FOXN3: variants seen among roughly 807,000 people sequenced by gnomAD.
The protein encoded by FOXN3 is forkhead box protein N3.
Under a neutral mutation model 38.4 loss-of-function variants are expected in FOXN3, and 7 were observed. The observed-to-expected ratio is 0.18, with a 90% CI of 0.10 to 0.34. The LOEUF is 0.34. Ranked by LOEUF, FOXN3 falls within the 10% of genes least tolerant of loss-of-function variation. FOXN3 has a pLI of 1.00. For missense variants in FOXN3, 456 were observed against 613.4 expected (o/e 0.74, Z 2.71); for synonymous variants, 230 against 242.2 (o/e 0.95, Z 0.47).
chr14:89,541,686 A>C (rs1413875239), intron 1 of FOXN3, among the ~76,000 whole-genome samples: 1 of 151,886 alleles, frequency 6.6e-6, no homozygotes, highest in Admixed American at 6.5e-5. Flanking sequence ...GCTTTACTCT[A>C]TGGACTTGCT....
intron 1 of FOXN3, among the ~76,000 whole-genome samples, chr14:89,535,004 GA>G (rs983200827): frequency 3.9e-5 from 6 of 152,192 alleles, no homozygotes; most frequent in African/African-American, 1.4e-4. Flanking sequence ...ATTTAATGAA[GA>G]ATTTTTTTTC....
At chr14:89,500,573 T>A (rs1200824639) in intron 1 of FOXN3, among the ~76,000 whole-genome samples, 2 of 152,134 alleles carry the variant, frequency 1.3e-5, no homozygotes, top group African/African-American at 4.8e-5. Flanking sequence ...ACCTGTGAGA[T>A]CAGGACCATG....
intron 1 of FOXN3, among the ~76,000 whole-genome samples, chr14:89,589,129 G>A (rs911423345): frequency 3.2e-4 from 49 of 152,208 alleles, no homozygotes; most frequent in African/African-American, 1.1e-3. Context: ...TATTTGAACT[G>A]CAGTCATTTT....
intron 1 of FOXN3, among the ~76,000 whole-genome samples, chr14:89,564,972 T>TA (rs1219192673): frequency 6.6e-6 from 1 of 151,302 alleles, no homozygotes; most frequent in African/African-American, 2.4e-5. Flanking sequence ...TGCACTCCTG[T>TA]AATCCCAGCT....
chr14:89,471,402 G>A (rs1453867236), intron 1 of FOXN3, among the ~76,000 whole-genome samples: 1 of 152,068 alleles, frequency 6.6e-6, no homozygotes, highest in East Asian at 1.9e-4. Context: ...AGGAGCTCAA[G>A]ACTAGCCTGG....
At chr14:89,517,410 A>C (rs534929379) in intron 1 of FOXN3, among the ~76,000 whole-genome samples, 14 of 151,854 alleles carry the variant, frequency 9.2e-5, no homozygotes, top group Admixed American at 6.6e-4. Context: ...CACAGGCTGT[A>C]CAGGAAGCAC....
At chr14:89,265,386 G>T (rs1885941101) in intron 4 of FOXN3, among the ~76,000 whole-genome samples, 1 of 152,148 alleles carries the variant, frequency 6.6e-6, no homozygotes, top group African/African-American at 2.4e-5. Flanking sequence ...AGCCCCTGGG[G>T]CTACAAACAG....
intron 1 of FOXN3, among the ~76,000 whole-genome samples, chr14:89,486,069 A>G (rs1396646041): frequency 6.6e-6 from 1 of 152,316 alleles, no homozygotes; most frequent in East Asian, 1.9e-4. Context: ...CTTATGAGTG[A>G]GTCAACTTTG....
intron 3 of FOXN3, among the ~76,000 whole-genome samples, chr14:89,320,554 T>C (rs935190101): frequency 6.6e-6 from 1 of 152,228 alleles, no homozygotes; most frequent in African/African-American, 2.4e-5. Context: ...CTCGGTGAGA[T>C]AGCTAATCCC....
chr14:89,372,604 A>G (rs909463932), intron 2 of FOXN3, among the ~76,000 whole-genome samples: 2 of 152,154 alleles, frequency 1.3e-5, no homozygotes, highest in Admixed American at 6.6e-5. Flanking sequence ...TTAAGACTTA[A>G]CAGTCAACCT....
intron 1 of FOXN3, among the ~76,000 whole-genome samples, chr14:89,507,016 A>C (rs913517724): frequency 3.9e-5 from 6 of 152,096 alleles, no homozygotes; most frequent in Non-Finnish European, 8.8e-5. Flanking sequence ...TCTGCCTAGG[A>C]AAACCAGAGA....
intron 1 of FOXN3, among the ~76,000 whole-genome samples, chr14:89,533,394 T>C (rs991118421): frequency 1.3e-5 from 2 of 152,198 alleles, no homozygotes; most frequent in East Asian, 3.9e-4. Flanking sequence ...CTGGGCGCGG[T>C]GGCTCACGCC....
At chr14:89,567,348 G>A (rs952248032) in intron 1 of FOXN3, among the ~76,000 whole-genome samples, 1 of 152,144 alleles carries the variant, frequency 6.6e-6, no homozygotes, top group Non-Finnish European at 1.5e-5. Context: ...GGGTAGGATG[G>A]GGTATAAACC....
intron 5 of FOXN3, among the ~76,000 whole-genome samples, chr14:89,178,216 G>A (rs1346167938): frequency 6.7e-6 from 1 of 149,516 alleles, no homozygotes; most frequent in Non-Finnish European, 1.5e-5. Flanking sequence ...TCGCCATGTT[G>A]CCCAGGCTGG....
intron 4 of FOXN3, among the ~76,000 whole-genome samples, chr14:89,270,358 T>A (rs565272894): frequency 4.6e-5 from 7 of 152,350 alleles, no homozygotes; most frequent in African/African-American, 1.7e-4. Context: ...GTACTGAACA[T>A]CTTAGGAAAT....
chr14:89,460,750 G>C (rs768790859), intron 1 of FOXN3, among the ~76,000 whole-genome samples: 1 of 152,200 alleles, frequency 6.6e-6, no homozygotes, highest in Non-Finnish European at 1.5e-5. Context: ...GAAGACAAAT[G>C]CCGGGCGCGG....
intron 2 of FOXN3, among the ~76,000 whole-genome samples, chr14:89,404,952 A>AAAT (rs1484410960): frequency 6.6e-6 from 1 of 151,910 alleles, no homozygotes; most frequent in Admixed American, 6.6e-5. Flanking sequence ...TTATCCAAAA[A>AAAT]AATAATAATA....
At chr14:89,441,468 A>G (rs1892381402) in intron 1 of FOXN3, among the ~76,000 whole-genome samples, 1 of 152,234 alleles carries the variant, frequency 6.6e-6, no homozygotes, top group Non-Finnish European at 1.5e-5. Flanking sequence ...AGAGGAACAC[A>G]GGGAACCAAC....
intron 4 of FOXN3, among the ~76,000 whole-genome samples, chr14:89,240,813 A>G (rs1885118657): frequency 6.6e-6 from 1 of 152,270 alleles, no homozygotes; most frequent in South Asian, 2.1e-4. Flanking sequence ...ACTAAAAAGA[A>G]AAGGAGAAAG....
Sources: allele counts gnomAD v4.1 joint callset (sites outside exome capture counted in the v4.1 genomes callset), GRCh38; gene constraint gnomAD v4.1.1; transcripts MANE v1.5; gene names NCBI Gene and HGNC (gene_info 2026-07-23, HGNC 2026-07-21).